DOLK: variants seen among roughly 807,000 people sequenced by gnomAD.
The protein encoded by DOLK is dolichol kinase, also known as SEC59 homolog.
Under a neutral mutation model 31.7 loss-of-function variants are expected in DOLK, and 20 were observed. That is an observed-to-expected ratio of 0.63 (90% CI 0.44 to 0.92). The LOEUF is 0.92. DOLK is among the 40% of genes least tolerant of loss of function. The pLI, the probability that DOLK is intolerant of heterozygous loss-of-function variation, is 0.00. For missense variants in DOLK, 594 were observed against 680.7 expected (o/e 0.87, Z 1.42); for synonymous variants, 309 against 287.0 (o/e 1.08, Z -0.77).
rs1841680972 is a variant in DOLK, at chr9:128,946,883, A to G, written c.421T>C (p.Cys141Arg). The G allele has an allele frequency of 6.2e-7, 1 of 1,607,732 alleles. No homozygotes were observed. The highest frequency in any genetic ancestry group is 1.7e-5 in the Admixed American group (1 of 60,008). ...GITRPVPTNT[C>R]VILGLAGGVI... ...CCTCCAGCCAAGCCCAAGATGACAC[A>G]AGTGTTGGTTGGCACTGGGCGAGTG... Residue 141 changes from cysteine (C) to arginine (R), a missense_variant, in exon 1 of 1, where the codon TGT becomes CGT. Coordinates refer to ENST00000372586, the MANE Select transcript of DOLK (RefSeq NM_014908.4).
At position 128,947,313 on chromosome 9, in the gene DOLK, C is replaced by T. The variant is rs1335984924; in HGVS notation, c.-10G>A. Reference sequence around the variant, plus strand: ...GGCACTCTCGGGTCATATCTCTAGACCTGGGGCTTCACGGAGGCCGGGGCG... The same window carrying T: ...GGCACTCTCGGGTCATATCTCTAGATCTGGGGCTTCACGGAGGCCGGGGCG... On this transcript the variant is annotated 5_prime_UTR_variant, in exon 1 of 1. Transcript: ENST00000372586. 2.5e-6 allele frequency: 4 copies of T among 1,611,748 alleles called. No homozygotes were observed. The highest frequency in any genetic ancestry group is 1.1e-5 in the South Asian group (1 of 91,006).
Position 128,946,318 on chromosome 9 carries a change from T to C in DOLK, c.986A>G (p.Lys329Arg). ...NAKRSSSESK[K>R]HQAPTIARKY... ...TCGGGCGATGGTGGGGGCCTGGTGC[T>C]TCTTGGACTCGGAAGATGACCGCTT... is the stretch of plus-strand genomic sequence containing the variant. Residue 329 changes from lysine (K) to arginine (R), a missense_variant, in exon 1 of 1, where the codon AAG becomes AGG. Physicochemically the swap from Lys to Arg is conservative, Grantham distance 26. Transcript: ENST00000372586. 6.2e-7 allele frequency: 1 copy of C among 1,614,126 alleles called. No individual in the cohort carries two copies.
Position 128,946,151 on chromosome 9 carries a change from C to T in DOLK, c.1153G>A (p.Gly385Ser), listed in dbSNP as rs938092069. 5.0e-6 allele frequency: 8 copies of T among 1,614,052 alleles called. No homozygotes were observed. Among genetic ancestry groups the T allele is most frequent in the Non-Finnish European group, 6.8e-6 (8 of 1,180,040 alleles). The change falls in exon 1 of 1, where the codon GGT becomes AGT. Residue 385 changes from glycine (G) to serine (S), a missense_variant. By Grantham distance (56) the Gly-to-Ser change is moderately conservative. Transcript: ENST00000372586. ...GACAGGAAGCTCCGTAGAGTGTGAC[C>T]CAAAGGCTTGATGCGGAAGTAGCGC... ...YVRYFRIKPL[G>S]HTLRSFLSLF...
In DOLK at chr9:128,945,986, G is replaced by A; in HGVS notation, c.1318C>T (p.Pro440Ser). The A allele has an allele frequency of 1.2e-6, 2 of 1,614,160 alleles. No homozygotes were observed. Among genetic ancestry groups the A allele is most frequent in the Non-Finnish European group, 1.7e-6 (2 of 1,180,028 alleles). ...GSLGGARALV[P>S]YAGVLAVGVG... The stretch of plus-strand genomic sequence containing the variant: ...CCCACAGCCAGGACACCGGCATAGG[G>A]GACGAGGGCCCTGGCTCCTCCCAGG... The change falls in exon 1 of 1, where the codon CCC (proline) becomes TCC (serine). Residue 440 changes from proline (P) to serine (S), a missense_variant. Coordinates refer to ENST00000372586, the MANE Select transcript of DOLK (RefSeq NM_014908.4).
chr9:128,947,436 G>A lies in DOLK; in HGVS notation c.-133C>T, dbSNP rs1242784038. 2.4e-6 allele frequency: 3 copies of A among 1,235,678 alleles called. No homozygotes were observed. The highest frequency in any genetic ancestry group is 3.5e-6 in the Non-Finnish European group (3 of 867,526). The allele number at this position is 1,235,678 out of a possible 1,614,324, so 76.5% of individuals were successfully genotyped here. ...CCTTCTCCCTCCGTTCTCCAGCAGCGAGGAGGGAACTCCACCGCAGGTCAC... is the reference window on the plus strand; with the variant it reads ...CCTTCTCCCTCCGTTCTCCAGCAGCAAGGAGGGAACTCCACCGCAGGTCAC... On this transcript the variant is annotated 5_prime_UTR_variant, in exon 1 of 1. Coordinates refer to ENST00000372586, the MANE Select transcript of DOLK (RefSeq NM_014908.4).
Position 128,946,016 on chromosome 9 carries a change from CCTT to C in DOLK, c.1285_1287del (p.Lys429del). On this transcript the variant is annotated inframe_deletion, in exon 1 of 1. Transcript: ENST00000372586. ...AGGGCCCTGGCTCCTCCCAGGCTAC[CCTT>C]CTGTGTGCAGGGTCTGGGGATCAGC... is the stretch of plus-strand genomic sequence containing the variant. The C allele has an allele frequency of 1.2e-6, 2 of 1,614,160 alleles. No homozygotes were observed. Among genetic ancestry groups the C allele is most frequent in the Non-Finnish European group, 1.7e-6 (2 of 1,180,042 alleles).
rs1841681229 is a variant in DOLK at position 128,946,898 on chromosome 9, C to T, written c.406G>A (p.Val136Met). 1 of 1,606,040 alleles carries T rather than the reference C, an allele frequency of 6.2e-7. No individual in the cohort carries two copies. Among genetic ancestry groups the T allele is most frequent in the East Asian group, 2.2e-5 (1 of 44,868 alleles). Reference protein sequence around the residue: ...SVLALGITRPVPTNTCVILGL... With the variant: ...SVLALGITRPMPTNTCVILGL... ...AAGATGACACAAGTGTTGGTTGGCACTGGGCGAGTGATGCCGAGCGCCAAC... is the reference window on the plus strand; with the variant it reads ...AAGATGACACAAGTGTTGGTTGGCATTGGGCGAGTGATGCCGAGCGCCAAC... Residue 136 changes from valine to methionine, a missense_variant, in exon 1 of 1, where the codon GTG becomes ATG. Physicochemically the swap from Val to Met is conservative, Grantham distance 21. Transcript: ENST00000372586.
At position 128,947,053 on chromosome 9, in the gene DOLK, G is replaced by A; in HGVS notation, c.251C>T (p.Ala84Val). 1 of 1,613,734 alleles carries A rather than the reference G, an allele frequency of 6.2e-7. No homozygotes were observed. Among genetic ancestry groups the A allele is most frequent in the Non-Finnish European group, 8.5e-7 (1 of 1,180,012 alleles). ...RMSANSGLLP[A>V]SMVMPLLGLV... ...TCCAAGCAAAGGCATGACCATGGAG[G>A]CGGGCAATAGGCCACTGTTTGCGGA... Residue 84 changes from alanine (A) to valine (V), a missense_variant, in exon 1 of 1, where the codon GCC becomes GTC. Coordinates refer to ENST00000372586, the MANE Select transcript of DOLK (RefSeq NM_014908.4).
At position 128,947,578 on chromosome 9, in the gene DOLK, A is replaced by T. The variant is rs1466825204; in HGVS notation, c.-275T>A. On this transcript the variant is annotated 5_prime_UTR_variant, in exon 1 of 1. Coordinates refer to ENST00000372586, the MANE Select transcript of DOLK (RefSeq NM_014908.4). ...CAGCCGCCCCCGCTGCCGGCTCCTCACCTCTTTGGGCCTCGCCATCTTGGC... is the reference window on the plus strand; with the variant it reads ...CAGCCGCCCCCGCTGCCGGCTCCTCTCCTCTTTGGGCCTCGCCATCTTGGC... 2 of 1,109,506 alleles carry T rather than the reference A, an allele frequency of 1.8e-6. No homozygotes were observed. Among genetic ancestry groups the T allele is most frequent in the East Asian group, 5.2e-5 (2 of 38,260 alleles). The allele number at this position is 1,109,506 out of a possible 1,614,324, so 68.7% of individuals were successfully genotyped here.
In DOLK at chr9:128,946,925, C is replaced by T. The variant is rs752310792; in HGVS notation, c.379G>A (p.Val127Met). The T allele has an allele frequency of 2.6e-5, 42 of 1,603,964 alleles. No individual in the cohort carries two copies. Among genetic ancestry groups the T allele is most frequent in the Non-Finnish European group, 2.7e-5 (32 of 1,179,782 alleles). The change falls in exon 1 of 1, where the codon GTG becomes ATG. Residue 127 changes from valine to methionine, a missense_variant. Val to Met is a conservative substitution (Grantham distance 21, BLOSUM62 1). Transcript: ENST00000372586. Reference sequence around the variant, plus strand: ...GGGCGAGTGATGCCGAGCGCCAACACTGATGAGAAGAGGGCCACTGCCATG... The same window carrying T: ...GGGCGAGTGATGCCGAGCGCCAACATTGATGAGAAGAGGGCCACTGCCATG... ...TGMAVALFSS[V>M]LALGITRPVP...
In DOLK at chr9:128,946,978, C is replaced by T. The variant is rs780043662; in HGVS notation, c.326G>A (p.Arg109His). The change falls in exon 1 of 1, where the codon CGT becomes CAT. Residue 109 changes from arginine (R) to histidine (H), a missense_variant. Physicochemically the swap from Arg to His is conservative, Grantham distance 29. Transcript: ENST00000372586. ...AGTGGCTGCCACCACAATGCCAAAA[C>T]GCTCAAAGAACGGGTTCCCAGCAGT... ...CQTAGNPFFE[R>H]FGIVVAATGM... is the part of the protein sequence containing the mutation. The T allele has an allele frequency of 6.2e-7, 1 of 1,604,900 alleles. No individual in the cohort carries two copies. The highest frequency in any genetic ancestry group is 2.2e-5 in the East Asian group (1 of 44,800).
chr9:128,947,544 T>C lies in DOLK; in HGVS notation c.-241A>G. The C allele has an allele frequency of 1.0e-6, 1 of 958,150 alleles. No homozygotes were observed. Among genetic ancestry groups the C allele is most frequent in the Non-Finnish European group, 1.5e-6 (1 of 651,094 alleles). The allele number at this position is 958,150 out of a possible 1,614,324, so 59.4% of individuals were successfully genotyped here. A position where few individuals can be genotyped will look rare whatever the true frequency, so the allele number is the denominator to read the frequency against. On this transcript the variant is annotated 5_prime_UTR_variant, in exon 1 of 1. Coordinates refer to ENST00000372586, the MANE Select transcript of DOLK (RefSeq NM_014908.4). The stretch of plus-strand genomic sequence containing the variant: ...AGACGTCGCCACTCTGCAGCCTTCC[T>C]CACAGTTACAGCCGCCCCCGCTGCC...
At position 128,947,555 on chromosome 9, in the gene DOLK, G is replaced by A; in HGVS notation, c.-252C>T. The A allele has an allele frequency of 2.0e-6, 2 of 990,540 alleles. No homozygotes were observed. Among genetic ancestry groups the A allele is most frequent in the East Asian group, 2.6e-5 (1 of 37,906 alleles). 61.4% of individuals were successfully genotyped at this position (990,540 alleles called of 1,614,324 possible). On this transcript the variant is annotated 5_prime_UTR_variant, in exon 1 of 1. Transcript: ENST00000372586. Reference sequence around the variant, plus strand: ...CTCTGCAGCCTTCCTCACAGTTACAGCCGCCCCCGCTGCCGGCTCCTCACC... The same window carrying A: ...CTCTGCAGCCTTCCTCACAGTTACAACCGCCCCCGCTGCCGGCTCCTCACC...
In DOLK at chr9:128,945,769, G is replaced by C; in HGVS notation, c.1535C>G (p.Thr512Ser). Residue 512 changes from threonine (T) to serine (S), a missense_variant, in exon 1 of 1, where the codon ACT becomes AGT. Coordinates refer to ENST00000372586, the MANE Select transcript of DOLK (RefSeq NM_014908.4). ...SYAWILGSISTVSLLEAYTTQ... is the reference protein window; with the variant it reads ...SYAWILGSISSVSLLEAYTTQ... ...AGTGTATGCTTCCAGGAGGGACACA[G>C]TGCTGATGGACCCCAAAATCCAAGC... The C allele has an allele frequency of 6.2e-7, 1 of 1,614,214 alleles. No homozygotes were observed. Among genetic ancestry groups the C allele is most frequent in the Non-Finnish European group, 8.5e-7 (1 of 1,180,040 alleles).
At position 128,946,715 on chromosome 9, in the gene DOLK, C is replaced by A; in HGVS notation, c.589G>T (p.Val197Leu). 6.2e-7 allele frequency: 1 copy of A among 1,614,120 alleles called. No individual in the cohort carries two copies. Among genetic ancestry groups the A allele is most frequent in the African/African-American group, 1.3e-5 (1 of 75,026 alleles). Residue 197 changes from valine to leucine, a missense_variant, in exon 1 of 1, where the codon GTA becomes TTA. Physicochemically the swap from Val to Leu is conservative, Grantham distance 32. Transcript: ENST00000372586. ...AGGACAAAGCTAATGCCACCCAATA[C>A]CAGCAGTGCCTCACCAGGGGTGAAG... ...RCFTPGEALLVLGGISFVLNQ... is the reference protein window; with the variant it reads ...RCFTPGEALLLLGGISFVLNQ...
chr9:128,947,371 C>T lies in DOLK; in HGVS notation c.-68G>A, dbSNP rs999578938. ...ACGCCCTAGACTTCGGGCCCCTCAG[C>T]CCCGTCAAGCAGAGGGAGGCACTTT... On this transcript the variant is annotated 5_prime_UTR_variant, in exon 1 of 1. Coordinates refer to ENST00000372586, the MANE Select transcript of DOLK (RefSeq NM_014908.4). 1.0e-5 allele frequency: 16 copies of T among 1,595,114 alleles called. No homozygotes were observed. Among genetic ancestry groups the T allele is most frequent in the African/African-American group, 2.7e-5 (2 of 74,366 alleles).
In DOLK at chr9:128,946,530, G is replaced by A. The variant is rs748123682; in HGVS notation, c.774C>T (p.Phe258=). Residue 258 remains phenylalanine, a synonymous_variant, in exon 1 of 1, where the codon TTC becomes TTT. Transcript: ENST00000372586. Reference sequence around the variant, plus strand: ...TCAGCACACAGGTCATGAGGTGGAAGAAGATGGAGGAGGCCCAGGTGCCTG... The same window carrying A: ...TCAGCACACAGGTCATGAGGTGGAAAAAGATGGAGGAGGCCCAGGTGCCTG... ...MDSGTWASSI[F]FHLMTCVLSL... is the part of the protein sequence containing the mutation. The A allele has an allele frequency of 2.5e-6, 4 of 1,614,172 alleles. No homozygotes were observed. Among genetic ancestry groups the A allele is most frequent in the Non-Finnish European group, 2.5e-6 (3 of 1,180,026 alleles).
Position 128,945,597 on chromosome 9 carries a change from G to T in DOLK, c.*90C>A. On this transcript the variant is annotated 3_prime_UTR_variant, in exon 1 of 1. Coordinates refer to ENST00000372586, the MANE Select transcript of DOLK (RefSeq NM_014908.4). ...AAATCAAATCTGCTTTTCACACCTT[G>T]GCTCTTCATGCCCAAGTAGCTGTCT... The T allele has an allele frequency of 6.7e-7, 1 of 1,493,280 alleles. No individual in the cohort carries two copies. 92.5% of individuals were successfully genotyped at this position (1,493,280 alleles called of 1,614,324 possible).
Position 128,947,543 on chromosome 9 carries a change from C to T in DOLK, c.-240G>A. On this transcript the variant is annotated 5_prime_UTR_variant, in exon 1 of 1. Coordinates refer to ENST00000372586, the MANE Select transcript of DOLK (RefSeq NM_014908.4). ...TAGACGTCGCCACTCTGCAGCCTTC[C>T]TCACAGTTACAGCCGCCCCCGCTGC... 2.1e-6 allele frequency: 2 copies of T among 953,820 alleles called. No homozygotes were observed. The highest frequency in any genetic ancestry group is 3.4e-4 in the Middle Eastern group (1 of 2,974). The allele number at this position is 953,820 out of a possible 1,614,324, so 59.1% of individuals were successfully genotyped here.
Sources: gnomAD v4.1 joint callset for allele counts on GRCh38, gnomAD v4.1.1 for gene constraint, MANE v1.5 for transcripts, NCBI Gene and HGNC (gene_info 2026-07-23, HGNC 2026-07-21) for gene names.